Variants in UGGT1 observed in about 807,000 individuals in gnomAD.
UGGT1 encodes UDP-glucose glycoprotein glucosyltransferase 1, also known as UDP-glucose:glycoprotein glucosyltransferase 1.
A neutral mutation model predicts 203.9 loss-of-function variants in UGGT1; 107 were observed. The ratio of observed to expected loss-of-function variants is 0.52; its 90% CI spans 0.45 to 0.62. The LOEUF is 0.62. UGGT1 is among the 20% of genes least tolerant of loss of function. UGGT1 has a pLI of 0.00. For synonymous variants in UGGT1, 628 were observed against 653.5 expected (o/e 0.96, Z 0.59); for missense variants, 1,673 against 1,867.2 (o/e 0.90, Z 1.92).
chr2:128,169,403 ATATCTATC>A (rs35669863), intron 26 of UGGT1, among the ~76,000 whole-genome samples: 1 of 151,636 alleles, frequency 6.6e-6, no homozygotes, highest in Non-Finnish European at 1.5e-5. Flanking sequence ...AACAGGCAAA[ATATCTATC>A]TATAACTTAA....
intron 8 of UGGT1, among the ~76,000 whole-genome samples, chr2:128,117,974 GTGTC>G (rs10616858): frequency 0.19 from 20,244 of 104,114 alleles, 1,470 homozygotes; most frequent in South Asian, 0.29. Flanking sequence ...GTGTGTGTGT[GTGTC>G]TGTGTGTGTG....
At chr2:128,155,820 T>C (rs114214780) in intron 20 of UGGT1, among the ~76,000 whole-genome samples, 106 of 152,182 alleles carry the variant, frequency 7.0e-4, no homozygotes, top group African/African-American at 2.5e-3. Context: ...TTGTATTACC[T>C]GTTTTACCTT....
Position 128,120,382 on chromosome 2 carries a change from A to G in UGGT1, c.899A>G (p.Gln300Arg), listed in dbSNP as rs1022847087. 5 of 1,613,900 alleles carry G rather than the reference A, an allele frequency of 3.1e-6. No individual in the cohort carries two copies. In the African/African-American group the frequency reaches 5.3e-5, roughly 17 times the overall value. The change falls in exon 9 of 41, where the codon CAG (glutamine) becomes CGG (arginine). Residue 300 changes from glutamine (Q) to arginine (R), a missense_variant. Coordinates refer to ENST00000259253, the MANE Select transcript of UGGT1 (RefSeq NM_020120.4). ...LRDLHPDLEG[Q>R]LKELRKHLVE... ...GATCTGCACCCCGACCTGGAGGGAC[A>G]GTTGAAAGAACTCAGAAAGCATCTT...
chr2:128,097,290 C>T (rs914470346), intron 1 of UGGT1, 139 bp from the exon 2 acceptor site: 17 of 925,054 alleles, frequency 1.8e-5, no homozygotes, highest in South Asian at 7.1e-5. Flanking sequence ...GCAGGAGAAT[C>T]GCTTGAACCT....
intron 13 of UGGT1, 59 bp downstream of exon 13, chr2:128,129,238 T>G: frequency 6.5e-7 from 1 of 1,533,878 alleles, no homozygotes; most frequent in Admixed American, 2.2e-5. Context: ...TTTTATGGTT[T>G]CTGATTTGTC....
intron 17 of UGGT1, among the ~76,000 whole-genome samples, chr2:128,144,004 AATT>A (rs2105460406): frequency 6.6e-6 from 1 of 152,298 alleles, no homozygotes; most frequent in East Asian, 1.9e-4. Flanking sequence ...TGAAAGAAGT[AATT>A]ATTTTAAAAA....
intron 18 of UGGT1, among the ~76,000 whole-genome samples, chr2:128,150,702 T>C (rs201050830): frequency 7.0e-6 from 1 of 143,862 alleles, no homozygotes; most frequent in Non-Finnish European, 1.5e-5. Flanking sequence ...TTTATTCTTA[T>C]ATGTACAACA....
chr2:128,103,123 T>C (rs1023652226), intron 2 of UGGT1: 6 of 471,020 alleles, frequency 1.3e-5, no homozygotes, highest in Non-Finnish European at 2.6e-5. Context: ...TCACAAGTAA[T>C]GGGAAAGTCT....
At chr2:128,150,643 A>G (rs1689908336) in intron 18 of UGGT1, among the ~76,000 whole-genome samples, 1 of 143,794 alleles carries the variant, frequency 7.0e-6, no homozygotes, top group African/African-American at 2.6e-5. Context: ...TACATTTACA[A>G]TTATTTATTT....
At chr2:128,181,593 G>A (rs141163641) in intron 36 of UGGT1, among the ~76,000 whole-genome samples, 2 of 152,310 alleles carry the variant, frequency 1.3e-5, no homozygotes, top group East Asian at 1.9e-4. Flanking sequence ...CCGAGCGGGC[G>A]GAAACCCAAG....
At chr2:128,138,998 A>G in intron 16 of UGGT1, 146 bp downstream of exon 16, 1 of 1,046,660 alleles carries the variant, frequency 9.6e-7, no homozygotes, top group South Asian at 1.7e-5. Context: ...GCTGCAGTGT[A>G]TAGAGATGGA....
intron 25 of UGGT1, among the ~76,000 whole-genome samples, chr2:128,163,042 C>G (rs532825003): frequency 1.2e-4 from 18 of 152,290 alleles, no homozygotes; most frequent in Admixed American, 9.8e-4. Context: ...GTCTGCATCC[C>G]CAAGGCTGCC....
chr2:128,106,922 A>G (rs577900239), intron 3 of UGGT1, among the ~76,000 whole-genome samples: 23 of 152,200 alleles, frequency 1.5e-4, no homozygotes, highest in African/African-American at 1.2e-4. Context: ...GGCTCAAGCA[A>G]TCCTCCTGCC....
intron 8 of UGGT1, among the ~76,000 whole-genome samples, chr2:128,119,852 A>C (rs1396052621): frequency 6.6e-6 from 1 of 151,430 alleles, no homozygotes; most frequent in South Asian, 2.1e-4. Context: ...TTTTTACTTT[A>C]AGAACAAAGG....
At chr2:128,142,281 C>CT in intron 16 of UGGT1, among the ~76,000 whole-genome samples, 1 of 151,226 alleles carries the variant, frequency 6.6e-6, no homozygotes, top group East Asian at 2.0e-4. Flanking sequence ...TCATTTGACA[C>CT]TTAACAAGAC....
intron 1 of UGGT1, among the ~76,000 whole-genome samples, chr2:128,096,420 C>T (rs1236312031): frequency 1.3e-5 from 2 of 152,186 alleles, no homozygotes; most frequent in African/African-American, 2.4e-5. Context: ...ACCACGTTCC[C>T]GCTGAAATCT....
At chr2:128,110,742 A>C (rs1687809726) in intron 5 of UGGT1, among the ~76,000 whole-genome samples, 1 of 152,190 alleles carries the variant, frequency 6.6e-6, no homozygotes, top group African/African-American at 2.4e-5. Context: ...ACATGTAGGT[A>C]GTTTTATTTT....
chr2:128,179,091 C>T (rs564693279), intron 34 of UGGT1, among the ~76,000 whole-genome samples: 1 of 152,076 alleles, frequency 6.6e-6, no homozygotes, highest in South Asian at 2.1e-4. Flanking sequence ...TAGTGGTCAC[C>T]AGAGGCACTG....
At chr2:128,134,742 A>G in intron 14 of UGGT1, 134 bp from the exon 15 acceptor site, 1 of 695,752 alleles carries the variant, frequency 1.4e-6, no homozygotes, top group Non-Finnish European at 2.5e-6. Flanking sequence ...CTATGTGTGT[A>G]ATTCATCTTT....
Sources: allele counts gnomAD v4.1 joint callset (sites outside exome capture counted in the v4.1 genomes callset), GRCh38; gene constraint gnomAD v4.1.1; transcripts MANE v1.5; gene names NCBI Gene and HGNC (gene_info 2026-07-23, HGNC 2026-07-21).